IPCEF1: variants seen among roughly 807,000 people sequenced by gnomAD.
IPCEF1 encodes interactor protein for cytohesin exchange factors 1.
IPCEF1 carries 31 observed loss-of-function variants against 50.9 expected under a neutral mutation model. That is an observed-to-expected ratio of 0.61 (90% CI 0.46 to 0.82). IPCEF1 has a LOEUF of 0.82. Among genes scored for constraint, IPCEF1 ranks in the 40% least tolerant of loss-of-function variants. The pLI, the probability that IPCEF1 is intolerant of heterozygous loss-of-function variation, is 0.00. For synonymous variants in IPCEF1, 181 were observed against 192.0 expected, an observed-to-expected ratio of 0.94 and a Z score of 0.47; for missense variants, 458 against 514.0, an observed-to-expected ratio of 0.89 and a Z score of 1.05.
intron 1 of IPCEF1, among the ~76,000 whole-genome samples, chr6:154,355,252 T>A (rs930134900): frequency 1.3e-5 from 2 of 152,218 alleles, no homozygotes; most frequent in African/African-American, 4.8e-5. Flanking sequence ...AACTTCCTAT[T>A]TCCATACTCT....
At chr6:154,242,887 C>CAAAGAAAAGAAAAGA (rs10692865) in intron 5 of IPCEF1, among the ~76,000 whole-genome samples, 1 of 151,462 alleles carries the variant, frequency 6.6e-6, no homozygotes, top group Non-Finnish European at 1.5e-5. Flanking sequence ...GACTCCGTCT[C>CAAAGAAAAGAAAAGA]AAAGAAAAGA....
chr6:154,207,260 T>C (rs1777579152), intron 9 of IPCEF1, among the ~76,000 whole-genome samples: 1 of 152,122 alleles, frequency 6.6e-6, no homozygotes. Flanking sequence ...GAGGCAAAAA[T>C]ATAAACACGA....
At chr6:154,169,646 T>C (rs148533351) in intron 10 of IPCEF1, among the ~76,000 whole-genome samples, 249 of 152,308 alleles carry the variant, frequency 1.6e-3, no homozygotes, top group African/African-American at 5.6e-3. Context: ...TCATTCCTCA[T>C]CTTGCCACAC....
chr6:154,222,468 A>G (rs1392122899), intron 6 of IPCEF1, among the ~76,000 whole-genome samples: 1 of 152,244 alleles, frequency 6.6e-6, no homozygotes, highest in African/African-American at 2.4e-5. Flanking sequence ...AAGGTAGAAG[A>G]AATAATAAGA....
chr6:154,302,677 G>A (rs1452904889), intron 1 of IPCEF1, among the ~76,000 whole-genome samples: 1 of 152,066 alleles, frequency 6.6e-6, no homozygotes, highest in African/African-American at 2.4e-5. Flanking sequence ...GCTTCACCAT[G>A]TTGCCCAGGC....
At chr6:154,303,492 C>T (rs1466450180) in intron 1 of IPCEF1, among the ~76,000 whole-genome samples, 10 of 152,174 alleles carry the variant, frequency 6.6e-5, no homozygotes, top group African/African-American at 9.7e-5. Flanking sequence ...CCAATTTTAA[C>T]GACATAATAC....
intron 11 of IPCEF1, 65 bp from the exon 12 acceptor site, chr6:154,160,105 T>A (rs1419990349): frequency 1.6e-6 from 2 of 1,241,774 alleles, no homozygotes; most frequent in African/African-American, 3.0e-5. Context: ...ATAAACCATC[T>A]TTACCAACTC....
At chr6:154,242,487 A>T (rs1287354314) in intron 5 of IPCEF1, among the ~76,000 whole-genome samples, 1 of 152,244 alleles carries the variant, frequency 6.6e-6, no homozygotes, top group African/African-American at 2.4e-5. Context: ...GACACAGAGT[A>T]AGTTGCTGAA....
intron 1 of IPCEF1, among the ~76,000 whole-genome samples, chr6:154,311,017 C>T (rs1323008675): frequency 2.0e-5 from 3 of 150,224 alleles, no homozygotes; most frequent in Non-Finnish European, 4.5e-5. Context: ...TTAAAGTCCT[C>T]ACTCCAAACA....
chr6:154,278,580 ATAAG>A (rs141284185), intron 2 of IPCEF1, among the ~76,000 whole-genome samples: 5,151 of 152,260 alleles, frequency 0.034, 221 homozygotes, highest in Admixed American at 0.13. Context: ...ACTGTTTTCA[ATAAG>A]TAAGAAGGTC....
At position 154,266,560 on chromosome 6, in the gene IPCEF1, C is replaced by CTATATATATATATATA. The variant is rs34187257; in HGVS notation, c.-17-612_-17-597dup. ...TATATGATTTACACACTTAATATTA[C>CTATATATATATATATA]TATATATATATATATATATATATAT... On this transcript the variant is annotated intron_variant, in intron 2 of 11. Transcript: ENST00000367220. Among the ~76,000 whole-genome samples, 386 of 134,778 alleles carry CTATATATATATATATA rather than the reference C, an allele frequency of 2.9e-3. 1 individual carries two copies. Among genetic ancestry groups the CTATATATATATATATA allele is most frequent in the South Asian group, 7.4e-3 (29 of 3,924 alleles). 88.4% of individuals were successfully genotyped at this position (134,778 alleles called of 152,430 possible). A position where few individuals can be genotyped will look rare whatever the true frequency, so the allele number is the denominator to read the frequency against.
rs115181897 is a variant in IPCEF1 at position 154,274,815 on chromosome 6, G to A, written c.-17-8851C>T. ...CCCACATGCACCCTGTGTTGGTTGC[G>A]CCCAATCAAGGTTCCCTTCCCCAGA... On this transcript the variant is annotated intron_variant, in intron 2 of 11. Transcript: ENST00000367220. 6.6e-3 allele frequency among the ~76,000 whole-genome samples: 1,012 copies of A among 152,266 alleles called. 18 individuals carry two copies. The highest frequency in any genetic ancestry group is 0.023 in the African/African-American group (950 of 41,544).
chr6:154,264,638 T>C (rs1781706756), intron 3 of IPCEF1, among the ~76,000 whole-genome samples: 1 of 152,150 alleles, frequency 6.6e-6, no homozygotes, highest in Non-Finnish European at 1.5e-5. Flanking sequence ...CCTGCCAAAG[T>C]GCTGGGATTA....
intron 9 of IPCEF1, among the ~76,000 whole-genome samples, chr6:154,205,637 T>C (rs1777431672): frequency 6.6e-6 from 1 of 152,120 alleles, no homozygotes; most frequent in Admixed American, 6.6e-5. Flanking sequence ...ATTAATTTAT[T>C]ATGTATTATT....
At chr6:154,172,258 A>C (rs1382387939) in intron 10 of IPCEF1, among the ~76,000 whole-genome samples, 1 of 152,334 alleles carries the variant, frequency 6.6e-6, no homozygotes, top group East Asian at 1.9e-4. Context: ...TTCCCAACTG[A>C]AGTACCTGGT....
At chr6:154,166,287 CCA>C (rs1208323023) in intron 11 of IPCEF1, among the ~76,000 whole-genome samples, 1 of 152,176 alleles carries the variant, frequency 6.6e-6, no homozygotes, top group African/African-American at 2.4e-5. Flanking sequence ...AGTTGGCCCC[CCA>C]GTGGCCAGGT....
intron 2 of IPCEF1, among the ~76,000 whole-genome samples, chr6:154,278,841 C>T (rs1304522678): frequency 2.0e-5 from 3 of 151,256 alleles, no homozygotes; most frequent in East Asian, 3.9e-4. Flanking sequence ...GTGGGCCAGG[C>T]GTGGTGGCTT....
At chr6:154,354,305 A>T in intron 1 of IPCEF1, among the ~76,000 whole-genome samples, 1 of 151,280 alleles carries the variant, frequency 6.6e-6, no homozygotes, top group Non-Finnish European at 1.5e-5. Context: ...CATCTCCGCC[A>T]TCTGTACCAT....
intron 9 of IPCEF1, among the ~76,000 whole-genome samples, chr6:154,203,408 G>A (rs138203378): frequency 6.4e-4 from 98 of 152,308 alleles, no homozygotes; most frequent in Non-Finnish European, 8.2e-4. Context: ...CCCTTGAACA[G>A]TAGGGATTCA....
Sources: gnomAD v4.1 joint callset for allele counts (sites outside exome capture counted in the v4.1 genomes callset) on GRCh38, gnomAD v4.1.1 for gene constraint, MANE v1.5 for transcripts, NCBI Gene and HGNC (gene_info 2026-07-23, HGNC 2026-07-21) for gene names.